NCAPD2: variants seen among roughly 807,000 people sequenced by gnomAD.
NCAPD2 encodes non-SMC condensin I complex subunit D2.
NCAPD2 carries 100 observed loss-of-function variants against 164.5 expected under a neutral mutation model. The observed-to-expected ratio is 0.61, with a 90% confidence interval of 0.52 to 0.72. The LOEUF is 0.72. Among genes scored for constraint, NCAPD2 ranks in the 30% least tolerant of loss-of-function variants. The pLI is 0.00. For missense variants in NCAPD2, 1,560 were observed against 1,749.2 expected (o/e 0.89, Z 1.93); for synonymous variants, 585 against 642.6 (o/e 0.91, Z 1.36).
In NCAPD2 at chr12:6,522,817, T is replaced by C. The variant is rs1482358961; in HGVS notation, c.1955-11T>C. The C allele has an allele frequency of 3.1e-6, 5 of 1,613,082 alleles. No individual in the cohort carries two copies. The highest frequency in any genetic ancestry group is 2.2e-5 in the South Asian group (2 of 91,066). On this transcript the variant is annotated splice_polypyrimidine_tract_variant and intron_variant, in intron 15 of 31. Transcript: ENST00000315579. ...GAAGTAGATAGGTGACATTTGTACA[T>C]GTTCTCTCAGTGGTGCAGGAGGTGA...
rs1946316669 is a variant in NCAPD2 at position 6,526,234 on chromosome 12, G to A, written c.2481+34G>A. ...GGGTGGTTCCAAACTAAGGAGAGTG[G>A]AGATTCTCGTGTCCACCCTGTACAC... On this transcript the variant is annotated intron_variant, in intron 19 of 31. Transcript: ENST00000315579. The A allele has an allele frequency of 1.9e-6, 3 of 1,614,120 alleles. No homozygotes were observed. The East Asian group carries it at 6.7e-5, about 36-fold the overall frequency.
At chr12:6,530,053 C>T (rs923302198) in intron 29 of NCAPD2, 95 bp downstream of exon 29, 18 of 1,370,590 alleles carry the variant, frequency 1.3e-5, no homozygotes, top group Non-Finnish European at 1.6e-5. Flanking sequence ...CAGTCACCTT[C>T]CCGTCCTCCT....
At chr12:6,520,721 T>C (rs576563672) in intron 13 of NCAPD2, among the ~76,000 whole-genome samples, 15 of 152,324 alleles carry the variant, frequency 9.8e-5, no homozygotes, top group South Asian at 4.1e-4. Context: ...AAAAGCCTTA[T>C]TGGAGTTTTT....
chr12:6,522,759 AG>A (rs1946275986), intron 15 of NCAPD2, 68 bp from the exon 16 acceptor site: 3 of 1,539,124 alleles, frequency 1.9e-6, no homozygotes, highest in East Asian at 2.3e-5. Flanking sequence ...ACATTCAGAA[AG>A]GTTCTGTCGT....
chr12:6,511,279 A>C, intron 6 of NCAPD2, 27 bp downstream of exon 6: 2 of 1,608,258 alleles, frequency 1.2e-6, no homozygotes, highest in East Asian at 2.2e-5. Context: ...GCTACAGATA[A>C]TACTGAGCTG....
At chr12:6,505,934 T>C (rs902877908) in intron 2 of NCAPD2, among the ~76,000 whole-genome samples, 2 of 152,080 alleles carry the variant, frequency 1.3e-5, no homozygotes, top group African/African-American at 2.4e-5. Flanking sequence ...AATGATGTCA[T>C]GTACTGTCTG....
intron 9 of NCAPD2, among the ~76,000 whole-genome samples, chr12:6,515,929 CGCCTGT>C (rs1946194334): frequency 6.6e-6 from 1 of 152,064 alleles, no homozygotes; most frequent in Admixed American, 6.6e-5. Flanking sequence ...TGGTGGCTCA[CGCCTGT>C]AATCCCAGCA....
At chr12:6,523,540 T>C (rs1434553899) in intron 17 of NCAPD2, among the ~76,000 whole-genome samples, 194 bp downstream of exon 17, 1 of 151,898 alleles carries the variant, frequency 6.6e-6, no homozygotes, top group Non-Finnish European at 1.5e-5. Context: ...TGGAATTACA[T>C]GCATGTGCCA....
Position 6,526,881 on chromosome 12 carries a change from T to A in NCAPD2, c.2735-10T>A. 5 of 1,594,658 alleles carry A rather than the reference T, an allele frequency of 3.1e-6. No individual in the cohort carries two copies. Among genetic ancestry groups the A allele is most frequent in the Non-Finnish European group, 4.3e-6 (5 of 1,169,904 alleles). On this transcript the variant is annotated splice_polypyrimidine_tract_variant and intron_variant, in intron 21 of 31. Coordinates refer to ENST00000315579, the MANE Select transcript of NCAPD2 (RefSeq NM_014865.4). Reference sequence around the variant, plus strand: ...CTCTTTGCCCCACCTTCCCTCTCCCTCTCCTCCAGAGGAGTCCCCCGCAAT... The same window carrying A: ...CTCTTTGCCCCACCTTCCCTCTCCCACTCCTCCAGAGGAGTCCCCCGCAAT...
rs1946206413 is a variant in NCAPD2, at chr12:6,516,882, G to A, written c.1042G>A (p.Val348Ile). The A allele has an allele frequency of 6.2e-7, 1 of 1,614,080 alleles. No homozygotes were observed. Among genetic ancestry groups the A allele is most frequent in the African/African-American group, 1.3e-5 (1 of 74,920 alleles). Residue 348 changes from valine (V) to isoleucine (I), a missense_variant, in exon 10 of 32, where the codon GTT (valine) becomes ATT (isoleucine). By Grantham distance (29) the Val-to-Ile change is conservative. Transcript: ENST00000315579. Reference protein sequence around the residue: ...LAAMAEMVLQVLSGDQLEAAA... With the variant: ...LAAMAEMVLQILSGDQLEAAA... ...AGCCATGGCGGAGATGGTGCTGCAG[G>A]TTCTCAGTGGCGATCAACTGGAAGC...
intron 29 of NCAPD2, 146 bp from the exon 30 acceptor site, chr12:6,530,545 C>A: frequency 1.0e-6 from 1 of 996,824 alleles, no homozygotes; most frequent in Non-Finnish European, 1.4e-6. Context: ...CAGAATGTAT[C>A]ATTGGAATGA....
Position 6,531,675 on chromosome 12 carries a change from T to TGC in NCAPD2, c.*266_*267dup. On this transcript the variant is annotated 3_prime_UTR_variant, in exon 32 of 32. Transcript: ENST00000315579. The surrounding 1 kb of genome is among the most constrained non-coding windows in gnomAD (Gnocchi z 4.1). ...AAAAAATTAGCCGGGCGTATTGGCG[T>TGC]GCGCCTGTAATCCCAGCTACTCAAG... is the stretch of plus-strand genomic sequence containing the variant. The TGC allele has an allele frequency of 2.1e-6, 1 of 486,558 alleles. No individual in the cohort carries two copies. The highest frequency in any genetic ancestry group is 3.5e-6 in the Non-Finnish European group (1 of 282,066). 30.1% of individuals were successfully genotyped at this position (486,558 alleles called of 1,614,324 possible).
chr12:6,517,681 C>G lies in NCAPD2; in HGVS notation c.1406C>G (p.Ala469Gly). The G allele has an allele frequency of 3.7e-6, 6 of 1,614,248 alleles. No homozygotes were observed. The highest frequency in any genetic ancestry group is 5.1e-6 in the Non-Finnish European group (6 of 1,180,050). ...AGGGCCCAGAGGCGAACTGCAGCAG[C>G]TTGTAAGTAGTTACTGCCTTGGAGT... ...EMRAQRRTAA[A>G]SAVLDPEEEW... Residue 469 changes from alanine to glycine, a missense_variant and splice_region_variant, in exon 12 of 32, where the codon GCT becomes GGT. Transcript: ENST00000315579.
In NCAPD2 at chr12:6,517,378, C is replaced by T. The variant is rs968525819; in HGVS notation, c.1199C>T (p.Thr400Ile). ...RIVQQKALPL[T>I]RFQAVVALAV... ...TACCCTACACAGGCTCTCCCCCTGA[C>T]ACGTTTCCAGGCAGTGGTGGCTTTA... is the stretch of plus-strand genomic sequence containing the variant. Residue 400 changes from threonine (T) to isoleucine (I), a missense_variant, in exon 11 of 32, where the codon ACA becomes ATA. Physicochemically the swap from Thr to Ile is moderately conservative, Grantham distance 89 (BLOSUM62 -1). Transcript: ENST00000315579. 3 of 1,613,996 alleles carry T rather than the reference C, an allele frequency of 1.9e-6. No homozygotes were observed. The highest frequency in any genetic ancestry group is 2.5e-6 in the Non-Finnish European group (3 of 1,179,998).
intron 2 of NCAPD2, among the ~76,000 whole-genome samples, chr12:6,509,449 G>T (rs1207047283): frequency 6.6e-6 from 1 of 151,972 alleles, no homozygotes; most frequent in Non-Finnish European, 1.5e-5. Flanking sequence ...TTTTAGTAGA[G>T]ATGGGGTCTC....
In NCAPD2 at chr12:6,527,965, C is replaced by T; in HGVS notation, c.3020-3C>T. ...CCCAAACCTGCAGTTACTCTTCCAA[C>T]AGGCAAACAGACACTGGCTGCCTTT... is the stretch of plus-strand genomic sequence containing the variant. On this transcript the variant is annotated splice_region_variant and splice_polypyrimidine_tract_variant and intron_variant, in intron 23 of 31. Coordinates refer to ENST00000315579, the MANE Select transcript of NCAPD2 (RefSeq NM_014865.4). 1 of 1,614,234 alleles carries T rather than the reference C, an allele frequency of 6.2e-7. No homozygotes were observed. Among genetic ancestry groups the T allele is most frequent in the Non-Finnish European group, 8.5e-7 (1 of 1,180,032 alleles).
chr12:6,516,641 T>C (rs190585197), intron 9 of NCAPD2, among the ~76,000 whole-genome samples, 187 bp from the exon 10 acceptor site: 42 of 152,340 alleles, frequency 2.8e-4, no homozygotes, highest in African/African-American at 9.6e-4. Flanking sequence ...GTGTGAGCCC[T>C]ATGAGGAAAA....
At chr12:6,522,185 C>A in intron 15 of NCAPD2, 148 bp downstream of exon 15, 1 of 866,990 alleles carries the variant, frequency 1.2e-6, no homozygotes, top group Non-Finnish European at 1.7e-6. Flanking sequence ...TCTTCTGCGT[C>A]AGCCTCCCAA....
At chr12:6,523,398 G>GT (rs3076239) in intron 17 of NCAPD2, 52 bp downstream of exon 17, 51,772 of 857,874 alleles carry the variant, frequency 0.06, 132 homozygotes, top group Non-Finnish European at 0.067. Context: ...TATTTTGGTT[G>GT]TTTTTTTTTT....
Sources: gnomAD v4.1 joint callset for allele counts (sites outside exome capture counted in the v4.1 genomes callset) on GRCh38, gnomAD v4.1.1 for gene constraint, Gnocchi (gnomAD v3.1) non-coding constraint, MANE v1.5 for transcripts, NCBI Gene and HGNC (gene_info 2026-07-23, HGNC 2026-07-21) for gene names.